DOK6: variants seen among roughly 807,000 people sequenced by gnomAD.
DOK6 encodes the protein downstream of tyrosine kinase 6.
Under a neutral mutation model 44.0 loss-of-function variants are expected in DOK6, and 22 were observed. The observed-to-expected ratio is 0.50, with a 90% confidence interval of 0.36 to 0.71. The LOEUF (loss-of-function observed/expected upper bound fraction) is 0.71. DOK6 is among the 30% of genes least tolerant of loss of function. The pLI, the probability that DOK6 is intolerant of heterozygous loss-of-function variation, is 0.00. For missense variants in DOK6, 340 were observed against 416.4 expected (o/e 0.82, Z 1.60); for synonymous variants, 166 against 145.5 (o/e 1.14, Z -1.01).
intron 5 of DOK6, among the ~76,000 whole-genome samples, chr18:69,737,596 A>G (rs765934135): frequency 7.2e-5 from 11 of 152,224 alleles, no homozygotes; most frequent in South Asian, 2.1e-4. Context: ...ATCTAGGCTT[A>G]GGTACAAACA....
intron 1 of DOK6, among the ~76,000 whole-genome samples, chr18:69,499,643 G>C (rs542597421): frequency 6.6e-6 from 1 of 152,232 alleles, no homozygotes; most frequent in East Asian, 1.9e-4. Flanking sequence ...TCTGACGTTT[G>C]TATCTGCAGC....
intron 7 of DOK6, among the ~76,000 whole-genome samples, chr18:69,771,215 T>A (rs1979878112): frequency 1.3e-5 from 2 of 152,008 alleles, no homozygotes; most frequent in Admixed American, 6.6e-5. Flanking sequence ...TTAACATTTT[T>A]AAATATGGGT....
At chr18:69,427,610 T>C (rs986347407) in intron 1 of DOK6, among the ~76,000 whole-genome samples, 2 of 152,168 alleles carry the variant, frequency 1.3e-5, no homozygotes, top group Non-Finnish European at 2.9e-5. Context: ...ACTGGGTATA[T>C]GCCCGAAGGA....
chr18:69,732,731 G>A (rs937449433), intron 5 of DOK6, among the ~76,000 whole-genome samples: 3 of 152,156 alleles, frequency 2.0e-5, no homozygotes, highest in Non-Finnish European at 2.9e-5. Context: ...GTACAAATGT[G>A]TACCTTAGAT....
chr18:69,517,209 AG>A (rs1406495731), intron 1 of DOK6, among the ~76,000 whole-genome samples: 4 of 152,202 alleles, frequency 2.6e-5, no homozygotes, highest in Admixed American at 2.6e-4. Context: ...AAGATTAACA[AG>A]TGGTCTTATT....
chr18:69,598,516 T>C (rs1983799247), intron 2 of DOK6, among the ~76,000 whole-genome samples: 1 of 152,146 alleles, frequency 6.6e-6, no homozygotes. Context: ...CTGTCTTCTT[T>C]CTGTTAACAG....
chr18:69,746,059 C>A (rs1213758238), intron 6 of DOK6, among the ~76,000 whole-genome samples: 1 of 152,054 alleles, frequency 6.6e-6, no homozygotes, highest in Non-Finnish European at 1.5e-5. Context: ...AAGAGCAGCT[C>A]TGTAAATGTG....
At chr18:69,442,706 T>C (rs1979170444) in intron 1 of DOK6, among the ~76,000 whole-genome samples, 1 of 152,226 alleles carries the variant, frequency 6.6e-6, no homozygotes, top group Non-Finnish European at 1.5e-5. Context: ...ACATGTTGCT[T>C]ATTGTCTTTA....
rs1004579815 is a variant in DOK6 at position 69,848,434 on chromosome 18, G to C, written c.*7051G>C. The C allele has an allele frequency of 6.6e-6, 1 of 152,100 alleles. No homozygotes were observed. The highest frequency in any genetic ancestry group is 1.5e-5 in the Non-Finnish European group (1 of 68,016). 9.4% of individuals were successfully genotyped at this position (152,100 alleles called of 1,614,324 possible). On this transcript the variant is annotated 3_prime_UTR_variant, in exon 8 of 8. Transcript: ENST00000382713. ...TCATTTTTAGTAACAATCTATTCTA[G>C]ATAAATGATAATTTGGGGACATCTG...
chr18:69,584,574 G>GAGC (rs1983454104), intron 2 of DOK6, among the ~76,000 whole-genome samples: 1 of 152,060 alleles, frequency 6.6e-6, no homozygotes, highest in South Asian at 2.1e-4. Context: ...TTACAGGAGT[G>GAGC]AGCCACCGCG....
intron 3 of DOK6, among the ~76,000 whole-genome samples, chr18:69,602,997 A>G (rs146235365): frequency 7.2e-5 from 11 of 152,386 alleles, no homozygotes; most frequent in African/African-American, 2.6e-4. Context: ...GTGGCTTGAT[A>G]GGAAATGTTA....
At chr18:69,444,737 G>A (rs1979234069) in intron 1 of DOK6, among the ~76,000 whole-genome samples, 1 of 150,300 alleles carries the variant, frequency 6.7e-6, no homozygotes, top group South Asian at 2.1e-4. Flanking sequence ...TCCGCCTCCT[G>A]GATTCAAGAA....
At chr18:69,429,620 C>CAT (rs143819043) in intron 1 of DOK6, among the ~76,000 whole-genome samples, 1,901 of 104,678 alleles carry the variant, frequency 0.018, 49 homozygotes, top group Non-Finnish European at 0.021. Context: ...TTGAGGGATA[C>CAT]ATATATATAT....
At chr18:69,760,056 G>A (rs1353170824) in intron 7 of DOK6, among the ~76,000 whole-genome samples, 1 of 152,088 alleles carries the variant, frequency 6.6e-6, no homozygotes, top group Non-Finnish European at 1.5e-5. Context: ...GGGGATAGAT[G>A]GTTGATAGTA....
intron 7 of DOK6, among the ~76,000 whole-genome samples, chr18:69,815,632 A>T (rs1256080627): frequency 6.6e-6 from 1 of 152,120 alleles, no homozygotes; most frequent in Non-Finnish European, 1.5e-5. Context: ...TAACCACCTA[A>T]TTCTTCATTC....
At chr18:69,672,316 T>C (rs1226863591) in intron 3 of DOK6, among the ~76,000 whole-genome samples, 1 of 152,216 alleles carries the variant, frequency 6.6e-6, no homozygotes, top group Non-Finnish European at 1.5e-5. Context: ...TTTTGATCTT[T>C]GCTGAAACAA....
chr18:69,840,103 C>A (rs1982172535), intron 7 of DOK6, among the ~76,000 whole-genome samples: 1 of 152,242 alleles, frequency 6.6e-6, no homozygotes, highest in African/African-American at 2.4e-5. Context: ...CGTCGCCAAA[C>A]ACACCTGGCA....
intron 2 of DOK6, among the ~76,000 whole-genome samples, chr18:69,571,299 G>T (rs1331866716): frequency 6.6e-6 from 1 of 151,518 alleles, no homozygotes; most frequent in Non-Finnish European, 1.5e-5. Flanking sequence ...AAAAATTCCA[G>T]AAGAAAATAA....
intron 7 of DOK6, among the ~76,000 whole-genome samples, chr18:69,794,582 A>G (rs1980691270): frequency 1.3e-5 from 2 of 152,156 alleles, no homozygotes; most frequent in African/African-American, 2.4e-5. Context: ...ATTCCACTCC[A>G]TCACCATACT....
Sources: allele counts gnomAD v4.1 joint callset (sites outside exome capture counted in the v4.1 genomes callset), GRCh38; gene constraint gnomAD v4.1.1; transcripts MANE v1.5; gene names NCBI Gene and HGNC (gene_info 2026-07-23, HGNC 2026-07-21).